LYST: variants seen among roughly 807,000 people sequenced by gnomAD.
The protein encoded by LYST is lysosomal trafficking regulator, also known as lysosomal-trafficking regulator.
A neutral mutation model predicts 413.6 loss-of-function variants in LYST; 192 were observed. The observed-to-expected ratio is 0.46, with a 90% CI of 0.41 to 0.52. The LOEUF is 0.52. LYST is among the 20% of genes least tolerant of loss of function. LYST has a pLI of 0.00. For missense variants in LYST, 3,815 were observed against 4,499.9 expected (o/e 0.85, Z 4.35); for synonymous variants, 1,525 against 1,567.3 (o/e 0.97, Z 0.64).
chr1:235,679,892 T>C (rs992193028), intron 48 of LYST, among the ~76,000 whole-genome samples: 2 of 152,116 alleles, frequency 1.3e-5, no homozygotes, highest in African/African-American at 2.4e-5. Flanking sequence ...TCAGGATTGA[T>C]AGTGTCCTCA....
intron 1 of LYST, chr1:235,839,947 A>G (rs148141186): frequency 3.1e-4 from 47 of 152,234 alleles, no homozygotes; most frequent in African/African-American, 1.1e-3. Context: ...GATACTGCCT[A>G]TTATCACCTT....
At chr1:235,702,148 T>C (rs1045304208) in intron 45 of LYST, among the ~76,000 whole-genome samples, 1 of 152,258 alleles carries the variant, frequency 6.6e-6, no homozygotes, top group African/African-American at 2.4e-5. Context: ...GCTGTTTTTA[T>C]AACGAAGAAT....
At position 235,787,309 on chromosome 1, in the gene LYST, TCTC is replaced by T. The variant is rs2103504142; in HGVS notation, c.4750_4752del (p.Glu1584del). The T allele has an allele frequency of 6.2e-7, 1 of 1,613,424 alleles. No homozygotes were observed. Among genetic ancestry groups the T allele is most frequent in the African/African-American group, 1.3e-5 (1 of 75,000 alleles). ...TGCCATTTGCTTGGGAGGAAAATAT[TCTC>T]CTGTGATTCAACCTGTGCTAGTAAA... On this transcript the variant is annotated inframe_deletion, in exon 14 of 53. Coordinates refer to ENST00000389793, the MANE Select transcript of LYST (RefSeq NM_000081.4).
intron 12 of LYST, among the ~76,000 whole-genome samples, chr1:235,790,442 A>C (rs576522471): frequency 1.3e-5 from 2 of 152,346 alleles, no homozygotes; most frequent in Non-Finnish European, 2.9e-5. Flanking sequence ...ACATACACAG[A>C]AAGCACTCAA....
In LYST at chr1:235,663,007, C is replaced by T; in HGVS notation, c.11339G>A (p.Arg3780Gln). 7 of 1,613,974 alleles carry T rather than the reference C, an allele frequency of 4.3e-6. No homozygotes were observed. Among genetic ancestry groups the T allele is most frequent in the South Asian group, 2.2e-5 (2 of 91,084 alleles). ...NSDGTVIAWC[R>Q]KDQQRLKQPM... ...CTGTTTCAAGCGCTGCTGGTCCTTC[C>T]GACACCAGGCAATCACGGTCCCATC... The change falls in exon 53 of 53, where the codon CGG becomes CAG. Residue 3780 changes from arginine (R) to glutamine (Q), a missense_variant. Transcript: ENST00000389793.
chr1:235,803,263 A>G (rs1203158289), intron 7 of LYST, among the ~76,000 whole-genome samples, 199 bp from the exon 8 acceptor site: 2 of 152,132 alleles, frequency 1.3e-5, no homozygotes, highest in Non-Finnish European at 2.9e-5. Flanking sequence ...AATACCTCAA[A>G]AAGGGGGTTT....
chr1:235,666,886 G>T (rs1658533275), intron 50 of LYST, among the ~76,000 whole-genome samples: 1 of 152,112 alleles, frequency 6.6e-6, no homozygotes, highest in Non-Finnish European at 1.5e-5. Context: ...AGCCATAAAA[G>T]ATATTGAGGT....
chr1:235,725,649 C>T (rs1040537767), intron 38 of LYST, among the ~76,000 whole-genome samples: 1 of 152,128 alleles, frequency 6.6e-6, no homozygotes, highest in Admixed American at 6.5e-5. Context: ...AGTCATTCAG[C>T]AAAGGGAAAG....
chr1:235,705,145 T>C (rs1661876474), intron 44 of LYST, among the ~76,000 whole-genome samples: 1 of 152,010 alleles, frequency 6.6e-6, no homozygotes, highest in African/African-American at 2.4e-5. Context: ...TCAAGATATT[T>C]GCCCTAAGGT....
chr1:235,710,058 T>C (rs1662290916), intron 43 of LYST, among the ~76,000 whole-genome samples: 1 of 152,214 alleles, frequency 6.6e-6, no homozygotes, highest in Non-Finnish European at 1.5e-5. Context: ...TGCTACATTT[T>C]CTAGTTTGCT....
intron 1 of LYST, among the ~76,000 whole-genome samples, chr1:235,863,169 G>T (rs762911368): frequency 6.6e-6 from 1 of 152,108 alleles, no homozygotes; most frequent in African/African-American, 2.4e-5. Context: ...GAGGAGGGCA[G>T]ATGATGAGGT....
chr1:235,741,398 T>C (rs1406056102), intron 31 of LYST, 24 bp downstream of exon 31: 8 of 1,572,840 alleles, frequency 5.1e-6, no homozygotes, highest in Non-Finnish European at 7.0e-6. Context: ...GTTTTACTTC[T>C]CTTATCAAAG....
At chr1:235,673,985 G>GACC (rs1659175683) in intron 50 of LYST, among the ~76,000 whole-genome samples, 1 of 152,098 alleles carries the variant, frequency 6.6e-6, no homozygotes, top group Non-Finnish European at 1.5e-5. Context: ...CACTTGGATG[G>GACC]TCCTCCGACC....
intron 24 of LYST, among the ~76,000 whole-genome samples, chr1:235,756,245 C>T (rs1667040992): frequency 6.6e-6 from 1 of 152,086 alleles, no homozygotes; most frequent in Non-Finnish European, 1.5e-5. Flanking sequence ...TCCTTTCCCC[C>T]AGACACACAT....
In LYST at chr1:235,777,120, A is replaced by G. The variant is rs1300610349; in HGVS notation, c.5403T>C (p.Ile1801=). 2 of 1,613,334 alleles carry G rather than the reference A, an allele frequency of 1.2e-6. No homozygotes were observed. The highest frequency in any genetic ancestry group is 1.7e-6 in the Non-Finnish European group (2 of 1,179,392). ...CACCAATTTCGTGCAGAATGCCTTG[A>G]ATAGTTTTATATTCAGTAGGTTGGA... ...KNLQPTEYKT[I]QGILHEIGGT... Residue 1801 remains isoleucine, a synonymous_variant, in exon 17 of 53, where the codon ATT becomes ATC. Coordinates refer to ENST00000389793, the MANE Select transcript of LYST (RefSeq NM_000081.4).
At chr1:235,818,781 C>T (rs1042107570) in intron 3 of LYST, among the ~76,000 whole-genome samples, 5 of 152,162 alleles carry the variant, frequency 3.3e-5, no homozygotes, top group African/African-American at 7.2e-5. Context: ...GCTACGGACA[C>T]GCTGTACTGA....
chr1:235,685,449 C>G (rs1198018510), intron 48 of LYST, among the ~76,000 whole-genome samples: 1 of 152,144 alleles, frequency 6.6e-6, no homozygotes, highest in East Asian at 1.9e-4. Context: ...ATTTTAATGG[C>G]TCCTTAGACT....
At chr1:235,872,952 T>A (rs925718752) in intron 1 of LYST, among the ~76,000 whole-genome samples, 3 of 152,062 alleles carry the variant, frequency 2.0e-5, no homozygotes, top group Non-Finnish European at 2.9e-5. Context: ...AAAAGAATAA[T>A]ATTTCCAGGT....
chr1:235,707,973 A>AT (rs1662117392), intron 44 of LYST, among the ~76,000 whole-genome samples: 1 of 152,182 alleles, frequency 6.6e-6, no homozygotes, highest in South Asian at 2.1e-4. Context: ...ATTTCTTTTG[A>AT]TTATCATGTT....
Sources: allele counts gnomAD v4.1 joint callset (sites outside exome capture counted in the v4.1 genomes callset), GRCh38; gene constraint gnomAD v4.1.1; transcripts MANE v1.5; gene names NCBI Gene and HGNC (gene_info 2026-07-23, HGNC 2026-07-21).